Variants in RHBDD1 observed in about 807,000 individuals in gnomAD.
The protein encoded by RHBDD1 is rhomboid domain containing 1.
A neutral mutation model predicts 36.3 loss-of-function variants in RHBDD1; 38 were observed. The observed-to-expected ratio is 1.05, with a 90% CI of 0.81 to 1.37. The LOEUF is 1.37. RHBDD1 is among the 40% of genes most tolerant of loss of function. The pLI, the probability that RHBDD1 is intolerant of heterozygous loss-of-function variation, is 0.00. For synonymous variants in RHBDD1, 151 were observed against 136.5 expected, an observed-to-expected ratio of 1.11 and a Z score of -0.74; for missense variants, 393 against 377.6, an observed-to-expected ratio of 1.04 and a Z score of -0.34.
chr2:226,847,113 G>GCCTCAGCAGGGTGCAGTTTT (rs1282753736), intron 3 of RHBDD1, among the ~76,000 whole-genome samples: 1 of 152,192 alleles, frequency 6.6e-6, no homozygotes, highest in African/African-American at 2.4e-5. Context: ...TGTGCAGTTT[G>GCCTCAGCAGGGTGCAGTTTT]CCTCAGCAGG....
At chr2:226,918,411 A>G (rs1457064695) in intron 8 of RHBDD1, among the ~76,000 whole-genome samples, 1 of 151,996 alleles carries the variant, frequency 6.6e-6, no homozygotes, top group Non-Finnish European at 1.5e-5. Context: ...ATTAAATACT[A>G]GATCTTACTC....
intron 5 of RHBDD1, among the ~76,000 whole-genome samples, chr2:226,902,049 G>C (rs1475462912): frequency 6.6e-6 from 1 of 152,192 alleles, no homozygotes; most frequent in Non-Finnish European, 1.5e-5. Context: ...GAATAGGATA[G>C]AGGGTGGTAG....
At chr2:226,914,124 T>G (rs1240581746) in intron 7 of RHBDD1, 84 bp from the exon 8 acceptor site, 2 of 1,211,344 alleles carry the variant, frequency 1.7e-6, no homozygotes, top group Non-Finnish European at 1.2e-6. Context: ...TATGCCTTAC[T>G]CGCTTGTCTT....
At chr2:226,942,259 G>A (rs1290817961) in intron 8 of RHBDD1, among the ~76,000 whole-genome samples, 1 of 140,174 alleles carries the variant, frequency 7.1e-6, no homozygotes. Flanking sequence ...TTTTTTTTGA[G>A]ACAGAGTCTC....
chr2:226,882,233 C>A (rs1029750010), intron 5 of RHBDD1, among the ~76,000 whole-genome samples: 23 of 151,772 alleles, frequency 1.5e-4, no homozygotes, highest in African/African-American at 5.6e-4. Context: ...AGTTCGAGAC[C>A]AGCCTGGCCA....
chr2:226,904,363 A>G (rs1335328684), intron 5 of RHBDD1, among the ~76,000 whole-genome samples: 1 of 140,560 alleles, frequency 7.1e-6, no homozygotes, highest in Non-Finnish European at 1.5e-5. Flanking sequence ...GGGTTTAAGC[A>G]TGCACGGTCA....
chr2:226,940,236 T>C (rs988142095), intron 8 of RHBDD1, among the ~76,000 whole-genome samples: 1 of 152,200 alleles, frequency 6.6e-6, no homozygotes, highest in Non-Finnish European at 1.5e-5. Context: ...ATTCAGGACG[T>C]AGTTATGGGC....
intron 5 of RHBDD1, among the ~76,000 whole-genome samples, chr2:226,874,087 A>G (rs1046617924): frequency 1.2e-4 from 19 of 152,120 alleles, no homozygotes; most frequent in Admixed American, 9.2e-4. Flanking sequence ...AGAACTCACT[A>G]TCATGAGACC....
chr2:226,928,973 C>T (rs1176944783), intron 8 of RHBDD1, among the ~76,000 whole-genome samples: 2 of 151,964 alleles, frequency 1.3e-5, no homozygotes, highest in Admixed American at 6.6e-5. Context: ...AAATCCTGAA[C>T]AGACCAATAA....
At chr2:226,923,907 G>A (rs1259579718) in intron 8 of RHBDD1, among the ~76,000 whole-genome samples, 2 of 152,034 alleles carry the variant, frequency 1.3e-5, no homozygotes, top group Non-Finnish European at 2.9e-5. Context: ...AGGGAAGTGG[G>A]GTCCCCTCTG....
intron 3 of RHBDD1, among the ~76,000 whole-genome samples, chr2:226,841,913 A>C (rs1350560248): frequency 2.0e-5 from 3 of 152,138 alleles, no homozygotes; most frequent in Non-Finnish European, 4.4e-5. Context: ...ACTTCCACCA[A>C]CAGTGTAGTA....
intron 5 of RHBDD1, chr2:226,895,548 AC>A (rs977813488): frequency 5.7e-6 from 2 of 352,690 alleles, no homozygotes; most frequent in African/African-American, 4.4e-5. Context: ...AATCTCACTG[AC>A]TCTTTAACCT....
Position 226,907,816 on chromosome 2 carries a change from C to T in RHBDD1, c.655+935C>T, listed in dbSNP as rs780830993. 2.0e-5 allele frequency among the ~76,000 whole-genome samples: 3 copies of T among 152,134 alleles called. No homozygotes were observed. In the East Asian group the frequency reaches 5.8e-4, roughly 29 times the overall value. On this transcript the variant is annotated intron_variant, in intron 6 of 8. Transcript: ENST00000392062. ...TGCTTATTAATGTGTTTCCACTGTACGTACTTAGAGGAGGCAGTGGGAGCT... is the reference window on the plus strand; with the variant it reads ...TGCTTATTAATGTGTTTCCACTGTATGTACTTAGAGGAGGCAGTGGGAGCT...
At chr2:226,920,109 TAAA>T (rs1252564032) in intron 8 of RHBDD1, among the ~76,000 whole-genome samples, 4 of 151,756 alleles carry the variant, frequency 2.6e-5, no homozygotes, top group African/African-American at 9.7e-5. Context: ...TTTAAATAAA[TAAA>T]TAAATAAATA....
At chr2:226,830,311 A>G in the RHBDD1 span, among the ~76,000 whole-genome samples, 1 of 152,138 alleles carries the variant, frequency 6.6e-6, no homozygotes, top group Admixed American at 6.5e-5. Flanking sequence ...GGTGCTGTCT[A>G]TGAGGAAGCA....
intron 3 of RHBDD1, among the ~76,000 whole-genome samples, chr2:226,846,684 C>T: frequency 7.0e-6 from 1 of 143,680 alleles, no homozygotes; most frequent in Non-Finnish European, 1.5e-5. Flanking sequence ...TGATTCAGCT[C>T]AGCAGTGAGC....
chr2:226,809,439 A>G, the RHBDD1 span, among the ~76,000 whole-genome samples: 5 of 152,244 alleles, frequency 3.3e-5, no homozygotes, highest in African/African-American at 4.8e-5. Flanking sequence ...TCAGATGTGT[A>G]CAGTAGGTTA....
the RHBDD1 span, among the ~76,000 whole-genome samples, chr2:226,822,121 TTC>T: frequency 6.6e-6 from 1 of 152,330 alleles, no homozygotes; most frequent in Non-Finnish European, 1.5e-5. Context: ...AGAAAAAAAC[TTC>T]TGTTAGGCCC....
intron 8 of RHBDD1, among the ~76,000 whole-genome samples, chr2:226,966,278 G>GT: frequency 6.6e-6 from 1 of 152,254 alleles, no homozygotes; most frequent in East Asian, 1.9e-4. Context: ...TGGACCATCT[G>GT]TCCTTGCACT....
Sources: gnomAD v4.1 joint callset for allele counts (sites outside exome capture counted in the v4.1 genomes callset) on GRCh38, gnomAD v4.1.1 for gene constraint, MANE v1.5 for transcripts, NCBI Gene and HGNC (gene_info 2026-07-23, HGNC 2026-07-21) for gene names.